The following SSX7 variants were observed in gnomAD, a reference collection of about 807,000 sequenced individuals.
SSX7 encodes SSX family member 7, also known as protein SSX7.
SSX7 carries 15 observed loss-of-function variants against 14.7 expected under a neutral mutation model. The ratio of observed to expected loss-of-function variants is 1.02; its 90% CI spans 0.68 to 1.58. The LOEUF (loss-of-function observed/expected upper bound fraction) is 1.58, where lower values mean the gene tolerates loss of function less well. SSX7 is among the 40% of genes most tolerant of loss of function. SSX7 has a pLI of 0.00. For synonymous variants in SSX7, 46 were observed against 50.6 expected (o/e 0.91, Z 0.38); for missense variants, 178 against 146.8 (o/e 1.21, Z -1.10).
At chrX:52,654,269 C>T (rs1236854262) in intron 1 of SSX7, among the ~76,000 whole-genome samples, 1 of 110,127 alleles carries the variant, frequency 9.1e-6, no homozygotes, top group Non-Finnish European at 1.9e-5. Flanking sequence ...CACACACACA[C>T]ACACACACAT....
At chrX:52,651,388 C>CT (rs1556766982) in intron 4 of SSX7, among the ~76,000 whole-genome samples, 1 of 112,078 alleles carries the variant, frequency 8.9e-6, no homozygotes. Context: ...TTTCTTTCTT[C>CT]TTTTTTTCTC....
intron 6 of SSX7, among the ~76,000 whole-genome samples, chrX:52,648,017 T>A (rs1925304373): frequency 8.9e-6 from 1 of 112,288 alleles, no homozygotes; most frequent in Admixed American, 9.5e-5. Flanking sequence ...TTCCATCTTA[T>A]GGACTAGGAA....
chrX:52,647,490 T>C (rs1925287620), intron 6 of SSX7, among the ~76,000 whole-genome samples: 1 of 111,782 alleles, frequency 8.9e-6, no homozygotes, highest in Non-Finnish European at 1.9e-5. Context: ...TACAGAGAAA[T>C]CCTTCATGAA....
intron 5 of SSX7, among the ~76,000 whole-genome samples, chrX:52,649,118 C>G (rs1481217018): frequency 1.8e-5 from 2 of 111,635 alleles, no homozygotes; most frequent in African/African-American, 3.3e-5. Flanking sequence ...CTGCAACATC[C>G]AACTCCTGTG....
chrX:52,648,379 T>C lies in SSX7; in HGVS notation c.348A>G (p.Pro116=). Residue 116 remains proline (P), a synonymous_variant, in exon 6 of 8, where the codon CCA becomes CCG. Coordinates refer to ENST00000298181, the MANE Select transcript of SSX7 (RefSeq NM_173358.2). ...CCTTCGAATCATTTCCTTCCTCTGCTGGCTTCTTGGGCATGATCTTTATAA... is the reference window on the plus strand; with the variant it reads ...CCTTCGAATCATTTCCTTCCTCTGCCGGCTTCTTGGGCATGATCTTTATAA... ...RIFPKIMPKK[P]AEEGNDSKGV... 8.3e-7 allele frequency: 1 copy of C among 1,211,707 alleles called. No homozygotes were observed. Among genetic ancestry groups the C allele is most frequent in the Non-Finnish European group, 1.1e-6 (1 of 895,460 alleles).
Position 52,644,534 on chromosome X carries a change from G to A in SSX7, c.*141C>T, listed in dbSNP as rs1925171861. 2.9e-6 allele frequency: 3 copies of A among 1,020,454 alleles called. No homozygotes were observed. Among genetic ancestry groups the A allele is most frequent in the Non-Finnish European group, 4.1e-6 (3 of 739,626 alleles). 84.1% of individuals were successfully genotyped at this position (1,020,454 alleles called of 1,213,427 possible). A position where few individuals can be genotyped will look rare whatever the true frequency, so the allele number is the denominator to read the frequency against. On this transcript the variant is annotated 3_prime_UTR_variant, in exon 8 of 8. Transcript: ENST00000298181. ...CTCTTGTCACACTAAGAAAAACGACGCTCAACTTTTCACTGTTGTGAACAC... is the reference window on the plus strand; with the variant it reads ...CTCTTGTCACACTAAGAAAAACGACACTCAACTTTTCACTGTTGTGAACAC...
At chrX:52,648,183 C>A in intron 6 of SSX7, 78 bp downstream of exon 6, 1 of 1,151,940 alleles carries the variant, frequency 8.7e-7, no homozygotes, top group Non-Finnish European at 1.2e-6. Flanking sequence ...GTCTGGGGTC[C>A]ATGCCACACA....
chrX:52,649,253 C>T (rs1925348590), intron 5 of SSX7, among the ~76,000 whole-genome samples: 5 of 110,958 alleles, frequency 4.5e-5, no homozygotes, highest in Non-Finnish European at 3.8e-5. Flanking sequence ...ATGGTCTTGA[C>T]CTCTTGACCT....
chrX:52,648,354 C>A lies in SSX7; in HGVS notation c.373G>T (p.Gly125Ter), dbSNP rs782337395. 6.1e-5 allele frequency: 74 copies of A among 1,210,103 alleles called. No individual in the cohort carries two copies. The highest frequency in any genetic ancestry group is 8.2e-5 in the Non-Finnish European group (73 of 895,276). The change falls in exon 6 of 8, where the codon GGA becomes TGA. Residue 125 changes from glycine to a stop codon, truncating the protein, a stop_gained. Coordinates refer to ENST00000298181, the MANE Select transcript of SSX7 (RefSeq NM_173358.2). LOFTEE classifies it high-confidence loss of function. ...TGTGAGCCAGATGCTTCTGGCACTC[C>A]CTTCGAATCATTTCCTTCCTCTGCT... ...KPAEEGNDSK[G>*]VPEASGSQND...
rs781996992 is a variant in SSX7, at chrX:52,645,381, A to G, written c.*4+58T>C. On this transcript the variant is annotated intron_variant, in intron 7 of 7. Coordinates refer to ENST00000298181, the MANE Select transcript of SSX7 (RefSeq NM_173358.2). ...AGCAAGTGACAGATGGGATACCAGT[A>G]TCATAACAGAATACCACATCTGCAG... 1.6e-4 allele frequency: 198 copies of G among 1,206,984 alleles called. 1 individual carries two copies. The highest frequency in any genetic ancestry group is 2.1e-4 in the Non-Finnish European group (186 of 894,476).
In SSX7 at chrX:52,654,298, G is replaced by A. The variant is rs192163985; in HGVS notation, c.-21+464C>T. On this transcript the variant is annotated intron_variant, in intron 1 of 7. Coordinates refer to ENST00000298181, the MANE Select transcript of SSX7 (RefSeq NM_173358.2). The stretch of plus-strand genomic sequence containing the variant: ...CACACATTAACAGAAGCGGAGTGGT[G>A]TGCACCTCTAGTCCCAAGGCCTACG... Among the ~76,000 whole-genome samples the A allele has an allele frequency of 3.3e-3, 359 of 107,951 alleles. 1 individual carries two copies. The highest frequency in any genetic ancestry group is 7.7e-3 in the Admixed American group (77 of 9,939). 93.7% of individuals were successfully genotyped at this position (107,951 alleles called of 115,157 possible).
At position 52,644,798 on chromosome X, in the gene SSX7, G is replaced by A. The variant is rs180857844; in HGVS notation, c.*5-128C>T. 5.5e-4 allele frequency: 407 copies of A among 745,123 alleles called. 2 individuals carry two copies. In the East Asian group the frequency reaches 0.013, roughly 23 times the overall value. The allele number at this position is 745,123 out of a possible 1,213,427, so 61.4% of individuals were successfully genotyped here. A position where few individuals can be genotyped will look rare whatever the true frequency, so the allele number is the denominator to read the frequency against. On this transcript the variant is annotated intron_variant, in intron 7 of 7. Coordinates refer to ENST00000298181, the MANE Select transcript of SSX7 (RefSeq NM_173358.2). Reference sequence around the variant, plus strand: ...CTGCCCTACCCCAGGACCTGCACACGCCTTCCATGGTTCCTTGAAGTGAAC... The same window carrying A: ...CTGCCCTACCCCAGGACCTGCACACACCTTCCATGGTTCCTTGAAGTGAAC...
intron 5 of SSX7, 128 bp from the exon 6 acceptor site, chrX:52,648,524 G>C: frequency 9.8e-7 from 1 of 1,016,399 alleles, no homozygotes; most frequent in South Asian, 2.3e-5. Flanking sequence ...AGTTACACAT[G>C]CCTAAATTAG....
At chrX:52,645,206 G>T (rs1478293494) in intron 7 of SSX7, among the ~76,000 whole-genome samples, 1 of 109,056 alleles carries the variant, frequency 9.2e-6, no homozygotes, top group African/African-American at 3.4e-5. Flanking sequence ...GTGAGGCGGA[G>T]CTTGCAGTAA....
intron 6 of SSX7, among the ~76,000 whole-genome samples, chrX:52,646,674 C>T (rs1242265942): frequency 8.9e-6 from 1 of 112,116 alleles, no homozygotes; most frequent in Non-Finnish European, 1.9e-5. Flanking sequence ...ACTGCTCCAC[C>T]GATGAGCTAT....
In SSX7 at chrX:52,644,236, C is replaced by CTGTG; in HGVS notation, c.*435_*438dup. On this transcript the variant is annotated 3_prime_UTR_variant, in exon 8 of 8. Transcript: ENST00000298181. ...TTGGTGTGTCTGTGTGTGTGTGTGT[C>CTGTG]TGTGTGTGTGTGTTTGTGTGTCTGG... 3 of 100,078 alleles carry CTGTG rather than the reference C, an allele frequency of 3.0e-5. No individual in the cohort carries two copies. The highest frequency in any genetic ancestry group is 5.0e-5 in the Non-Finnish European group (3 of 59,666). 8.2% of individuals were successfully genotyped at this position (100,078 alleles called of 1,213,427 possible).
At chrX:52,649,782 G>T (rs1347597671) in intron 5 of SSX7, among the ~76,000 whole-genome samples, 2 of 112,662 alleles carry the variant, frequency 1.8e-5, no homozygotes, top group African/African-American at 6.4e-5. Context: ...ATGGGGTGAA[G>T]CCCTAGTGAG....
In SSX7 at chrX:52,652,992, A is replaced by C. The variant is rs1925490214; in HGVS notation, c.70-8T>G. ...GGCAATATCATCGAAGGACTAGGAAAAGATAAAAAAGGAATTTTGTCAGTG... is the reference window on the plus strand; with the variant it reads ...GGCAATATCATCGAAGGACTAGGAACAGATAAAAAAGGAATTTTGTCAGTG... On this transcript the variant is annotated splice_region_variant and splice_polypyrimidine_tract_variant and intron_variant, in intron 2 of 7. Transcript: ENST00000298181. 1.7e-6 allele frequency: 2 copies of C among 1,192,648 alleles called. No homozygotes were observed. Among genetic ancestry groups the C allele is most frequent in the Non-Finnish European group, 2.3e-6 (2 of 883,421 alleles).
At position 52,645,580 on chromosome X, in the gene SSX7, A is replaced by G. The variant is rs782560135; in HGVS notation, c.467-37T>C. ...AATAGTTGGAAAGTGAGGGTTGGGT[A>G]GGTTGGAGAGTGTTAGGCTCTGTTT... On this transcript the variant is annotated intron_variant, in intron 6 of 7. Transcript: ENST00000298181. The G allele has an allele frequency of 8.8e-5, 98 of 1,118,467 alleles. No homozygotes were observed. The African/African-American group carries it at 8.9e-4, about 10-fold the overall frequency. 92.2% of individuals were successfully genotyped at this position (1,118,467 alleles called of 1,213,427 possible).
Sources: gnomAD v4.1 joint callset for allele counts (sites outside exome capture counted in the v4.1 genomes callset) on GRCh38, gnomAD v4.1.1 for gene constraint, MANE v1.5 for transcripts, NCBI Gene and HGNC (gene_info 2026-07-23, HGNC 2026-07-21) for gene names.